The following ANKAR variants were observed in gnomAD, a reference collection of about 807,000 sequenced individuals.
ANKAR encodes the protein ankyrin and armadillo repeat-containing protein.
ANKAR carries 136 observed loss-of-function variants against 146.2 expected under a neutral mutation model. That is an observed-to-expected ratio of 0.93 (90% CI 0.81 to 1.07). The LOEUF (loss-of-function observed/expected upper bound fraction) is 1.07. Among genes scored for constraint, ANKAR ranks in the 50% least tolerant of loss-of-function variants. ANKAR has a pLI of 0.00. For synonymous variants in ANKAR, 500 were observed against 575.8 expected (o/e 0.87, Z 1.88); for missense variants, 1,567 against 1,679.9 (o/e 0.93, Z 1.18).
intron 21 of ANKAR, among the ~76,000 whole-genome samples, chr2:189,743,941 A>T (rs1461503430): frequency 6.6e-6 from 1 of 152,182 alleles, no homozygotes; most frequent in East Asian, 1.9e-4. Context: ...TTTGCCAGGT[A>T]TTCAGAGGAT....
chr2:189,760,173 T>G (rs534185589), intron 18 of ANKAR, among the ~76,000 whole-genome samples: 160 of 152,356 alleles, frequency 1.1e-3, no homozygotes, highest in African/African-American at 3.3e-3. Context: ...CACAGACATA[T>G]TAACAATCTG....
chr2:189,710,910 G>C, intron 9 of ANKAR, 139 bp from the exon 10 acceptor site: 1 of 652,316 alleles, frequency 1.5e-6, no homozygotes, highest in Non-Finnish European at 2.7e-6. Flanking sequence ...GCACAGAGGG[G>C]AATTTAATGC....
chr2:189,757,193 T>C (rs143259527), intron 18 of ANKAR, among the ~76,000 whole-genome samples: 282 of 152,080 alleles, frequency 1.9e-3, no homozygotes, highest in African/African-American at 6.3e-3. Context: ...CAAAAGACAA[T>C]AAGGGATTGA....
Position 189,677,017 on chromosome 2 carries a change from G to A in ANKAR, c.527G>A (p.Arg176His), listed in dbSNP as rs76573758. The change falls in exon 2 of 23, where the codon CGT becomes CAT. Residue 176 changes from arginine to histidine, a missense_variant. Coordinates refer to ENST00000684021, the MANE Select transcript of ANKAR (RefSeq NM_001378068.1). ...EKRARFSELW[R>H]AIMDIDPDGK... Reference sequence around the variant, plus strand: ...CGAGCTAGATTCTCTGAATTGTGGCGTGCCATCATGGACATTGATCCTGAT... The same window carrying A: ...CGAGCTAGATTCTCTGAATTGTGGCATGCCATCATGGACATTGATCCTGAT... 360 of 1,612,172 alleles carry A rather than the reference G, an allele frequency of 2.2e-4. No homozygotes were observed. The African/African-American group carries it at 2.8e-3, about 12-fold the overall frequency.
At position 189,746,280 on chromosome 2, in the gene ANKAR, G is replaced by A. The variant is rs1026622229; in HGVS notation, c.4058-100G>A. The A allele has an allele frequency of 1.8e-5, 24 of 1,360,598 alleles. No homozygotes were observed. In the African/African-American group the frequency reaches 3.5e-4, roughly 20 times the overall value. The allele number at this position is 1,360,598 out of a possible 1,614,324, so 84.3% of individuals were successfully genotyped here. ...AAGTACTGATCTGTTCTCTTAGTATGTTTTAGTTATGTAAAGAAAATAGAA... is the reference window on the plus strand; with the variant it reads ...AAGTACTGATCTGTTCTCTTAGTATATTTTAGTTATGTAAAGAAAATAGAA... On this transcript the variant is annotated intron_variant, in intron 22 of 22. Transcript: ENST00000684021.
chr2:189,728,618 G>A (rs1206961401), intron 14 of ANKAR, 42 bp from the exon 15 acceptor site: 1 of 1,597,952 alleles, frequency 6.3e-7, no homozygotes, highest in South Asian at 1.1e-5. Context: ...TGTAGAACAG[G>A]GCACTGGAGT....
chr2:189,735,354 T>A (rs920298754), intron 17 of ANKAR, among the ~76,000 whole-genome samples: 1 of 152,232 alleles, frequency 6.6e-6, no homozygotes, highest in Admixed American at 6.5e-5. Context: ...TTGGCTGAAA[T>A]TTTTAATTCT....
chr2:189,680,300 A>AT (rs2105741063), intron 2 of ANKAR, among the ~76,000 whole-genome samples: 1 of 152,062 alleles, frequency 6.6e-6, no homozygotes, highest in South Asian at 2.1e-4. Context: ...CTCCTGTTTC[A>AT]TTTCTAGTTG....
At chr2:189,720,069 AG>A (rs1016380318) in intron 11 of ANKAR, among the ~76,000 whole-genome samples, 1 of 152,204 alleles carries the variant, frequency 6.6e-6, no homozygotes, top group Non-Finnish European at 1.5e-5. Context: ...ATTACAGTGC[AG>A]TGTCTACAAT....
downstream of ANKAR, chr2:189,761,802 AAAT>A: frequency 5.2e-6 from 4 of 771,724 alleles, no homozygotes; most frequent in South Asian, 2.8e-5. Context: ...ATGGGAATAT[AAAT>A]AATATTATGA....
intron 18 of ANKAR, chr2:189,752,774 A>G (rs2045477980): frequency 6.2e-7 from 1 of 1,613,434 alleles, no homozygotes. Context: ...ATCTGAAGGA[A>G]GAAGGCTTAG....
chr2:189,701,233 A>ATTTATT (rs2038008873), intron 7 of ANKAR, among the ~76,000 whole-genome samples: 1 of 149,302 alleles, frequency 6.7e-6, no homozygotes, highest in Non-Finnish European at 1.5e-5. Context: ...AGACTTTTTA[A>ATTTATT]TTTATTTTTA....
In ANKAR at chr2:189,743,377, C is replaced by G. The variant is rs542000323; in HGVS notation, c.3913C>G (p.Arg1305Gly). The G allele has an allele frequency of 6.2e-7, 1 of 1,613,754 alleles. No individual in the cohort carries two copies. The highest frequency in any genetic ancestry group is 8.5e-7 in the Non-Finnish European group (1 of 1,179,814). The change falls in exon 21 of 23, where the codon CGT (arginine) becomes GGT (glycine). Residue 1305 changes from arginine to glycine, a missense_variant. Physicochemically the swap from Arg to Gly is moderately radical, Grantham distance 125 (BLOSUM62 -2). Transcript: ENST00000684021. Reference sequence around the variant, plus strand: ...CAGGAATAAACCTAATCAGTTCATTCGTATAAAAAATAATATCAGCAGAGA... The same window carrying G: ...CAGGAATAAACCTAATCAGTTCATTGGTATAAAAAATAATATCAGCAGAGA... ...ECRNKPNQFI[R>G]IKNNISRDAS... is the part of the protein sequence containing the mutation.
Position 189,720,421 on chromosome 2 carries a change from T to C in ANKAR, c.2467-198T>C, listed in dbSNP as rs550899688. On this transcript the variant is annotated intron_variant, in intron 11 of 22. Transcript: ENST00000684021. Reference sequence around the variant, plus strand: ...TGCCACCACGCCTGGCTAATTTTTGTATTTTTAGTAGAGATGGGGTTTCAC... The same window carrying C: ...TGCCACCACGCCTGGCTAATTTTTGCATTTTTAGTAGAGATGGGGTTTCAC... Among the ~76,000 whole-genome samples, 13 of 152,268 alleles carry C rather than the reference T, an allele frequency of 8.5e-5. No individual in the cohort carries two copies. In the East Asian group the frequency reaches 2.5e-3, roughly 29 times the overall value.
chr2:189,676,690 T>G lies in ANKAR; in HGVS notation c.200T>G (p.Leu67Arg), dbSNP rs774436856. Residue 67 changes from leucine (L) to arginine (R), a missense_variant, in exon 2 of 23, where the codon CTC (leucine) becomes CGC (arginine). Physicochemically the swap from Leu to Arg is moderately radical, Grantham distance 102. Coordinates refer to ENST00000684021, the MANE Select transcript of ANKAR (RefSeq NM_001378068.1). ...AKEDVRSQVD[L>R]PCGIMSQMNN... ...GAGGATGTGCGCTCTCAAGTAGACC[T>G]CCCATGTGGAATTATGAGTCAAATG... 16 of 1,614,188 alleles carry G rather than the reference T, an allele frequency of 9.9e-6. No homozygotes were observed. The South Asian group carries it at 1.5e-4, about 16-fold the overall frequency.
chr2:189,702,262 C>G (rs1244583154), intron 7 of ANKAR, among the ~76,000 whole-genome samples: 1 of 152,132 alleles, frequency 6.6e-6, no homozygotes, highest in East Asian at 1.9e-4. Context: ...TCTCCCTCCC[C>G]CTGCTGGAAG....
intron 17 of ANKAR, among the ~76,000 whole-genome samples, chr2:189,734,947 G>A (rs1021610573): frequency 9.2e-5 from 14 of 151,640 alleles, no homozygotes; most frequent in African/African-American, 3.2e-4. Flanking sequence ...CTGGGTGACA[G>A]AGCTAGACTC....
intron 22 of ANKAR, among the ~76,000 whole-genome samples, chr2:189,746,009 T>C (rs1034889728): frequency 2.5e-4 from 38 of 152,220 alleles, no homozygotes; most frequent in Admixed American, 1.3e-3. Context: ...CACAGGTTTG[T>C]AGTAACATAA....
intron 2 of ANKAR, among the ~76,000 whole-genome samples, chr2:189,686,843 A>AT (rs59260153): frequency 0.99 from 150,351 of 152,268 alleles, 74,265 homozygotes; most frequent in East Asian, 1. Flanking sequence ...ATTATTTTAA[A>AT]TTTTGTGGGT....
Sources: gnomAD v4.1 joint callset for allele counts (sites outside exome capture counted in the v4.1 genomes callset) on GRCh38, gnomAD v4.1.1 for gene constraint, MANE v1.5 for transcripts, NCBI Gene and HGNC (gene_info 2026-07-23, HGNC 2026-07-21) for gene names.